Variants in PDZRN4 observed in about 807,000 individuals in gnomAD.
PDZRN4 encodes the protein PDZ domain containing ring finger 4.
A neutral mutation model predicts 99.0 loss-of-function variants in PDZRN4; 70 were observed. The ratio of observed to expected loss-of-function variants is 0.71; its 90% CI spans 0.58 to 0.86. PDZRN4 has a LOEUF of 0.86. Among genes scored for constraint, PDZRN4 ranks in the 40% least tolerant of loss-of-function variants. The probability of loss-of-function intolerance (pLI) is 0.00; values close to 1 mark genes in which losing one functional copy is unlikely to be tolerated. For synonymous variants in PDZRN4, 551 were observed against 501.6 expected (o/e 1.10, Z -1.32); for missense variants, 1,474 against 1,331.2 (o/e 1.11, Z -1.67).
chr12:41,483,935 AT>A (rs1937724740), intron 3 of PDZRN4, among the ~76,000 whole-genome samples: 1 of 152,130 alleles, frequency 6.6e-6, no homozygotes. Flanking sequence ...TTTAATCTAA[AT>A]TTGTTGTGCT....
At chr12:41,412,793 TA>T (rs1952409994) in intron 3 of PDZRN4, among the ~76,000 whole-genome samples, 1 of 152,066 alleles carries the variant, frequency 6.6e-6, no homozygotes, top group Non-Finnish European at 1.5e-5. Flanking sequence ...ATCTATTTTA[TA>T]ATAGCCATAA....
chr12:41,412,398 T>G (rs1334395067), intron 3 of PDZRN4: 1 of 152,212 alleles, frequency 6.6e-6, no homozygotes, highest in Non-Finnish European at 1.5e-5. Context: ...ACATTTTACT[T>G]ACATCTCATT....
Position 41,406,389 on chromosome 12 carries a change from A to G in PDZRN4, c.844-100067A>G, listed in dbSNP as rs561224923. Among the ~76,000 whole-genome samples, 105 of 152,300 alleles carry G rather than the reference A, an allele frequency of 6.9e-4. 3 individuals carry two copies. Among genetic ancestry groups the G allele is most frequent in the African/African-American group, 2.0e-3 (82 of 41,576 alleles). ...GAAAAAATCAACGCCTACTGTTGTC[A>G]GGAGGATGGCTCCTTACGTCATTAC... On this transcript the variant is annotated intron_variant, in intron 3 of 9. Coordinates refer to ENST00000402685, the MANE Select transcript of PDZRN4 (RefSeq NM_001164595.2).
chr12:41,290,334 C>T (rs1390732758), intron 3 of PDZRN4, among the ~76,000 whole-genome samples: 1 of 152,120 alleles, frequency 6.6e-6, no homozygotes, highest in Non-Finnish European at 1.5e-5. Context: ...TGATTCAAAA[C>T]ATCTTTTGTT....
At chr12:41,308,127 TC>T (rs1175416814) in intron 3 of PDZRN4, among the ~76,000 whole-genome samples, 2 of 152,152 alleles carry the variant, frequency 1.3e-5, no homozygotes, top group Non-Finnish European at 2.9e-5. Context: ...ACTTAAAAAT[TC>T]ATAACTTTTC....
chr12:41,233,796 G>C (rs1566380470), intron 3 of PDZRN4, among the ~76,000 whole-genome samples: 2 of 151,962 alleles, frequency 1.3e-5, no homozygotes, highest in Admixed American at 6.6e-5. Context: ...TGTGTGGTGG[G>C]GGGAGCGGGG....
Position 41,531,730 on chromosome 12 carries a change from G to C in PDZRN4, c.1204-20926G>C, listed in dbSNP as rs557563668. 2.6e-5 allele frequency among the ~76,000 whole-genome samples: 4 copies of C among 152,218 alleles called. No individual in the cohort carries two copies. The South Asian group carries it at 8.3e-4, about 32-fold the overall frequency. ...TACACAGCACTTCCGCATCACTTCA[G>C]TATGTTTATTGGCCTGTTCTGTTTT... On this transcript the variant is annotated intron_variant, in intron 5 of 9. Coordinates refer to ENST00000402685, the MANE Select transcript of PDZRN4 (RefSeq NM_001164595.2).
intron 3 of PDZRN4, among the ~76,000 whole-genome samples, chr12:41,353,560 G>A (rs934260567): frequency 2.0e-5 from 3 of 152,056 alleles, no homozygotes; most frequent in East Asian, 1.9e-4. Context: ...GAGAGCAAGG[G>A]CACCTACATC....
chr12:41,374,709 T>C (rs1224406507), intron 3 of PDZRN4, among the ~76,000 whole-genome samples: 1 of 152,098 alleles, frequency 6.6e-6, no homozygotes, highest in East Asian at 1.9e-4. Flanking sequence ...TTGGCTACCA[T>C]CTCTAGAGCT....
intron 3 of PDZRN4, among the ~76,000 whole-genome samples, chr12:41,370,685 G>T (rs928175176): frequency 1.3e-5 from 2 of 151,556 alleles, no homozygotes; most frequent in Admixed American, 1.3e-4. Context: ...ACTTCTTTTA[G>T]GTTTATACTA....
At chr12:41,450,344 T>C (rs900508791) in intron 3 of PDZRN4, among the ~76,000 whole-genome samples, 1 of 152,168 alleles carries the variant, frequency 6.6e-6, no homozygotes, top group Non-Finnish European at 1.5e-5. Context: ...GGCCCACATA[T>C]AACCTTAGAT....
At chr12:41,426,197 G>A (rs1282309145) in intron 3 of PDZRN4, among the ~76,000 whole-genome samples, 1 of 152,182 alleles carries the variant, frequency 6.6e-6, no homozygotes, top group Non-Finnish European at 1.5e-5. Flanking sequence ...CCAGTAAACA[G>A]CATTTAATTC....
At chr12:41,280,403 G>A (rs991417487) in intron 3 of PDZRN4, among the ~76,000 whole-genome samples, 2 of 152,262 alleles carry the variant, frequency 1.3e-5, no homozygotes, top group South Asian at 2.1e-4. Flanking sequence ...AAGCCAGGGA[G>A]CCAAGTAGTC....
At chr12:41,411,094 T>C (rs1252490233) in intron 3 of PDZRN4, among the ~76,000 whole-genome samples, 1 of 150,970 alleles carries the variant, frequency 6.6e-6, no homozygotes, top group Non-Finnish European at 1.5e-5. Flanking sequence ...AAAGATAGTG[T>C]CCCACTATGT....
At chr12:41,376,490 T>G (rs1409627286) in intron 3 of PDZRN4, among the ~76,000 whole-genome samples, 1 of 152,170 alleles carries the variant, frequency 6.6e-6, no homozygotes, top group Non-Finnish European at 1.5e-5. Flanking sequence ...TTATATTGAA[T>G]ATATTTTCAT....
At chr12:41,509,621 A>C in intron 4 of PDZRN4, 190 bp from the exon 5 acceptor site, 1 of 399,768 alleles carries the variant, frequency 2.5e-6, no homozygotes, top group Non-Finnish European at 4.5e-6. Flanking sequence ...AGAAATTGCA[A>C]ATTGATGGAC....
At chr12:41,547,781 G>A (rs962838992) in intron 5 of PDZRN4, among the ~76,000 whole-genome samples, 1 of 152,082 alleles carries the variant, frequency 6.6e-6, no homozygotes. Flanking sequence ...ATTAACAGTA[G>A]AGGCAAAAAT....
intron 3 of PDZRN4, among the ~76,000 whole-genome samples, chr12:41,339,348 G>T (rs1951798997): frequency 6.6e-6 from 1 of 152,030 alleles, no homozygotes; most frequent in East Asian, 1.9e-4. Flanking sequence ...TTCACTAAAT[G>T]GTGCTGGGAA....
chr12:41,193,827 A>G (rs950428125), intron 2 of PDZRN4, among the ~76,000 whole-genome samples: 5 of 152,164 alleles, frequency 3.3e-5, no homozygotes, highest in Non-Finnish European at 7.3e-5. Flanking sequence ...GCCCTTTCCC[A>G]TAGCTTTTTT....
Sources: allele counts gnomAD v4.1 joint callset (sites outside exome capture counted in the v4.1 genomes callset), GRCh38; gene constraint gnomAD v4.1.1; transcripts MANE v1.5; gene names NCBI Gene and HGNC (gene_info 2026-07-23, HGNC 2026-07-21).